Variants in RBFOX1 observed in about 807,000 individuals in gnomAD.
RBFOX1 encodes RNA binding protein fox-1 homolog 1.
In RBFOX1, 8 loss-of-function variants were observed where a neutral mutation model predicts 57.7. The observed-to-expected ratio is 0.14, with a 90% CI of 0.08 to 0.25. RBFOX1 has a LOEUF of 0.25. RBFOX1 is among the 10% of genes least tolerant of loss of function. The pLI is 1.00. For missense variants in RBFOX1, 611 were observed against 548.5 expected, an observed-to-expected ratio of 1.11 and a Z score of -1.14; for synonymous variants, 326 against 222.4, an observed-to-expected ratio of 1.47 and a Z score of -4.15.
intron 1 of RBFOX1, among the ~76,000 whole-genome samples, chr16:6,303,986 AT>A: frequency 6.6e-6 from 1 of 150,782 alleles, no homozygotes; most frequent in South Asian, 2.1e-4. Context: ...TAATTTTTGT[AT>A]TTTTAGTAGA....
intron 3 of RBFOX1, among the ~76,000 whole-genome samples, chr16:5,806,805 C>T (rs527677574): frequency 1.9e-4 from 29 of 152,324 alleles, no homozygotes; most frequent in African/African-American, 6.5e-4. Flanking sequence ...ATGCTGTCAG[C>T]CCAGCTCAGC....
At chr16:7,191,787 G>T (rs12920146) in intron 4 of RBFOX1, among the ~76,000 whole-genome samples, 82,119 of 152,020 alleles carry the variant, frequency 0.54, 22,683 homozygotes, top group African/African-American at 0.66. Flanking sequence ...AGAATTCTCT[G>T]TGGTGGACAA....
At chr16:6,582,045 C>T (rs989780412) in intron 2 of RBFOX1, among the ~76,000 whole-genome samples, 1 of 152,148 alleles carries the variant, frequency 6.6e-6, no homozygotes, top group Non-Finnish European at 1.5e-5. Context: ...TACTGCTGCA[C>T]ATCTAACAAG....
At chr16:6,361,120 A>T (rs966129963) in intron 2 of RBFOX1, among the ~76,000 whole-genome samples, 1 of 152,142 alleles carries the variant, frequency 6.6e-6, no homozygotes. Context: ...CATTACAAAT[A>T]TGTAATATGG....
intron 1 of RBFOX1, among the ~76,000 whole-genome samples, chr16:6,157,505 G>A (rs2096846691): frequency 6.6e-6 from 1 of 152,032 alleles, no homozygotes; most frequent in Non-Finnish European, 1.5e-5. Flanking sequence ...TGCTAACTGT[G>A]GTAATCCTAT....
At chr16:6,494,022 T>C (rs2095698646) in intron 2 of RBFOX1, among the ~76,000 whole-genome samples, 1 of 152,222 alleles carries the variant, frequency 6.6e-6, no homozygotes, top group African/African-American at 2.4e-5. Context: ...TTGAAAACTT[T>C]CATTCCTCAT....
chr16:6,019,943 G>A lies in RBFOX1; in HGVS notation c.-176G>A, dbSNP rs947955076. 8 of 1,534,354 alleles carry A rather than the reference G, an allele frequency of 5.2e-6. No homozygotes were observed. The highest frequency in any genetic ancestry group is 2.4e-5 in the East Asian group (1 of 40,820). On this transcript the variant is annotated 5_prime_UTR_variant, in exon 1 of 16. Coordinates refer to ENST00000550418, the MANE Select transcript of RBFOX1 (RefSeq NM_018723.4). This position sits in a 1 kb window ranked among gnomAD's most constrained non-coding sequence, Gnocchi z 4.2. Reference sequence around the variant, plus strand: ...GTGCAGAGAGCGCACGGGAATTCGGGGGTCTGGGGCCGAGAACGTGACCGC... The same window carrying A: ...GTGCAGAGAGCGCACGGGAATTCGGAGGTCTGGGGCCGAGAACGTGACCGC...
At chr16:5,484,691 T>C (rs948249557) in intron 2 of RBFOX1, among the ~76,000 whole-genome samples, 2 of 151,720 alleles carry the variant, frequency 1.3e-5, no homozygotes, top group Admixed American at 1.3e-4. Flanking sequence ...GGCGGGCGGG[T>C]CATGAGGTCA....
At chr16:7,062,920 T>C (rs966848695) in intron 4 of RBFOX1, among the ~76,000 whole-genome samples, 1 of 136,758 alleles carries the variant, frequency 7.3e-6, no homozygotes, top group African/African-American at 2.9e-5. Flanking sequence ...TTTTTTTTTT[T>C]TTTTTTTTGC....
chr16:6,716,982 C>CT (rs1006488510), intron 3 of RBFOX1, among the ~76,000 whole-genome samples: 2 of 152,078 alleles, frequency 1.3e-5, no homozygotes, highest in Admixed American at 1.3e-4. Context: ...GATTAGTGCC[C>CT]TTATAAGAAG....
intron 4 of RBFOX1, among the ~76,000 whole-genome samples, chr16:7,435,893 C>G (rs1461483511): frequency 6.6e-6 from 1 of 152,146 alleles, no homozygotes; most frequent in Admixed American, 6.5e-5. Flanking sequence ...TGTGTGTTTT[C>G]CCATGGAAAT....
At chr16:6,956,970 C>G (rs183289621) in intron 3 of RBFOX1, among the ~76,000 whole-genome samples, 6 of 151,776 alleles carry the variant, frequency 4.0e-5, no homozygotes, top group African/African-American at 1.2e-4. Flanking sequence ...AGAAAGAATT[C>G]AGGGCAAGTC....
chr16:5,347,480 A>T (rs918713328), intron 1 of RBFOX1, among the ~76,000 whole-genome samples: 1 of 152,164 alleles, frequency 6.6e-6, no homozygotes, highest in African/African-American at 2.4e-5. Context: ...AATAATTATC[A>T]TTGAAGGCAA....
chr16:7,428,960 C>G (rs754392276), intron 4 of RBFOX1, among the ~76,000 whole-genome samples: 39 of 152,034 alleles, frequency 2.6e-4, no homozygotes, highest in African/African-American at 8.7e-4. Flanking sequence ...GCCTGGCGCT[C>G]TGCAAAGAAA....
intron 2 of RBFOX1, among the ~76,000 whole-genome samples, chr16:6,591,846 G>C (rs529004469): frequency 6.6e-6 from 1 of 152,112 alleles, no homozygotes; most frequent in East Asian, 1.9e-4. Context: ...TTTACATGAA[G>C]GAACCCTTTT....
intron 1 of RBFOX1, among the ~76,000 whole-genome samples, chr16:6,189,874 A>G (rs2097131093): frequency 6.6e-6 from 1 of 152,170 alleles, no homozygotes. Context: ...ATGTGATCCC[A>G]ATTGTCCATG....
intron 4 of RBFOX1, among the ~76,000 whole-genome samples, chr16:7,055,373 T>A (rs1485122485): frequency 2.0e-5 from 3 of 152,114 alleles, no homozygotes; most frequent in African/African-American, 7.2e-5. Flanking sequence ...CAAAAATAAA[T>A]AACTCTCCAC....
intron 4 of RBFOX1, among the ~76,000 whole-genome samples, chr16:7,335,649 G>A (rs1269679993): frequency 6.8e-6 from 1 of 146,926 alleles, no homozygotes; most frequent in Non-Finnish European, 1.5e-5. Context: ...CAGACTTTAA[G>A]ACGGCATCCA....
chr16:7,704,899 T>A (rs1199378930), intron 14 of RBFOX1, among the ~76,000 whole-genome samples: 2 of 151,828 alleles, frequency 1.3e-5, no homozygotes, highest in African/African-American at 4.8e-5. Flanking sequence ...ATGCAAAATT[T>A]AGCCACGTAT....
Sources: gnomAD v4.1 joint callset for allele counts (sites outside exome capture counted in the v4.1 genomes callset) on GRCh38, gnomAD v4.1.1 for gene constraint, Gnocchi (gnomAD v3.1) non-coding constraint, MANE v1.5 for transcripts, NCBI Gene and HGNC (gene_info 2026-07-23, HGNC 2026-07-21) for gene names.